The following POLR3GL variants were observed in gnomAD, a reference collection of about 807,000 sequenced individuals.
POLR3GL encodes RNA polymerase III subunit GL.
POLR3GL carries 26 observed loss-of-function variants against 32.4 expected under a neutral mutation model. The observed-to-expected ratio is 0.80, with a 90% CI of 0.59 to 1.11. POLR3GL has a LOEUF of 1.11. Among genes scored for constraint, POLR3GL ranks in the 50% most tolerant of loss-of-function variants. The probability of loss-of-function intolerance (pLI) is 0.00; values close to 1 mark genes in which losing one functional copy is unlikely to be tolerated. For synonymous variants in POLR3GL, 95 were observed against 98.7 expected (o/e 0.96, Z 0.22); for missense variants, 229 against 280.1 (o/e 0.82, Z 1.30).
chr1:145,974,022 C>T (rs1199250497), intron 1 of POLR3GL, among the ~76,000 whole-genome samples: 1 of 149,678 alleles, frequency 6.7e-6, no homozygotes, highest in Non-Finnish European at 1.5e-5. Flanking sequence ...GCTCCAGCTA[C>T]TTGGGAGGCT....
At position 145,977,694 on chromosome 1, in the gene POLR3GL, AGT is replaced by A; in HGVS notation, c.383-82_383-81del. ...CATAGTGGCCACATGAGGGCAGCAG[AGT>A]GACATGTTCTTTGCATGAGGATGGG... On this transcript the variant is annotated intron_variant, in intron 5 of 7. Transcript: ENST00000369314. 3.6e-6 allele frequency: 5 copies of A among 1,384,630 alleles called. No homozygotes were observed. In the South Asian group the frequency reaches 5.8e-5, roughly 16 times the overall value. 85.8% of individuals were successfully genotyped at this position (1,384,630 alleles called of 1,614,324 possible).
At chr1:145,977,669 C>A in intron 5 of POLR3GL, 109 bp from the exon 6 acceptor site, 1 of 1,314,966 alleles carries the variant, frequency 7.6e-7, no homozygotes, top group Non-Finnish European at 1.1e-6. Flanking sequence ...TGCTAGATGT[C>A]ATAGTGGCCA....
intron 2 of POLR3GL, 96 bp downstream of exon 2, chr1:145,975,087 C>T (rs983290001): frequency 7.0e-7 from 1 of 1,431,782 alleles, no homozygotes; most frequent in Non-Finnish European, 9.3e-7. Flanking sequence ...ACCATCCTCG[C>T]TTTGGCCCTC....
chr1:145,972,014 G>A (rs1221165864), intron 1 of POLR3GL, among the ~76,000 whole-genome samples: 1 of 115,940 alleles, frequency 8.6e-6, no homozygotes, highest in African/African-American at 4.4e-5. Flanking sequence ...ATATATATAC[G>A]TGTGTGTGTG....
chr1:145,977,590 C>G, intron 5 of POLR3GL, 51 bp downstream of exon 5: 8 of 1,546,108 alleles, frequency 5.2e-6, no homozygotes, highest in Non-Finnish European at 6.3e-6. Context: ...CTTCATCAGC[C>G]TGAGGGCCGA....
At chr1:145,966,798 TAATAA>T (rs1294751475) in intron 1 of POLR3GL, among the ~76,000 whole-genome samples, 6 of 151,502 alleles carry the variant, frequency 4.0e-5, no homozygotes, top group South Asian at 2.1e-4. Flanking sequence ...AAAAAAAAAA[TAATAA>T]AATAAAAAGA....
chr1:145,973,557 C>T (rs1186253624), intron 1 of POLR3GL, among the ~76,000 whole-genome samples: 1 of 151,866 alleles, frequency 6.6e-6, no homozygotes, highest in Admixed American at 6.6e-5. Context: ...ACAAAAAATA[C>T]AAAAATTAGC....
chr1:145,975,483 G>T, intron 3 of POLR3GL, 47 bp downstream of exon 3: 2 of 1,596,938 alleles, frequency 1.3e-6, no homozygotes, highest in East Asian at 2.3e-5. Flanking sequence ...TCCATGGGGA[G>T]TGCCCTGTGC....
chr1:145,965,069 C>G (rs1649957727), intron 1 of POLR3GL, among the ~76,000 whole-genome samples: 1 of 152,224 alleles, frequency 6.6e-6, no homozygotes, highest in Non-Finnish European at 1.5e-5. Flanking sequence ...CTCCTGTTAT[C>G]TATGAAGACT....
intron 3 of POLR3GL, among the ~76,000 whole-genome samples, chr1:145,975,970 C>T (rs1425157085): frequency 8.0e-6 from 1 of 125,196 alleles, no homozygotes; most frequent in African/African-American, 2.5e-5. Context: ...AACTAAGGGA[C>T]AGAAAAAAAA....
intron 1 of POLR3GL, among the ~76,000 whole-genome samples, chr1:145,970,397 C>T (rs1186554172): frequency 2.0e-5 from 3 of 152,198 alleles, no homozygotes; most frequent in African/African-American, 7.2e-5. Flanking sequence ...CATCCCACCC[C>T]AGCCTCCCAG....
At chr1:145,968,335 T>C (rs782099704) in intron 1 of POLR3GL, among the ~76,000 whole-genome samples, 29 of 152,190 alleles carry the variant, frequency 1.9e-4, no homozygotes, top group Non-Finnish European at 4.1e-4. Flanking sequence ...CTGTATTAAA[T>C]AAAATTTTGT....
At position 145,978,538 on chromosome 1, in the gene POLR3GL, C is replaced by T; in HGVS notation, c.*91C>T. On this transcript the variant is annotated 3_prime_UTR_variant, in exon 8 of 8. Transcript: ENST00000369314. ...TCTTCAGACAAGCAAATCATTTGGTCAGAGTTCATATAATCTGTCTGTTCC... is the reference window on the plus strand; with the variant it reads ...TCTTCAGACAAGCAAATCATTTGGTTAGAGTTCATATAATCTGTCTGTTCC... 3 of 863,464 alleles carry T rather than the reference C, an allele frequency of 3.5e-6. No individual in the cohort carries two copies. Among genetic ancestry groups the T allele is most frequent in the Non-Finnish European group, 5.8e-6 (3 of 516,702 alleles). The allele number at this position is 863,464 out of a possible 1,614,324, so 53.5% of individuals were successfully genotyped here. A position where few individuals can be genotyped will look rare whatever the true frequency, so the allele number is the denominator to read the frequency against.
chr1:145,976,545 C>G (rs1650562415), intron 3 of POLR3GL, among the ~76,000 whole-genome samples: 1 of 150,992 alleles, frequency 6.6e-6, no homozygotes, highest in Non-Finnish European at 1.5e-5. Context: ...CCACTGCACT[C>G]CAGCCCAGGC....
intron 1 of POLR3GL, among the ~76,000 whole-genome samples, chr1:145,971,982 AAAAAAAAAT>A (rs1395247297): frequency 9.5e-5 from 12 of 125,780 alleles, no homozygotes; most frequent in African/African-American, 3.7e-4. Context: ...AAAAAAAAAA[AAAAAAAAAT>A]ATATATATAT....
rs766935281 is a variant in POLR3GL, at chr1:145,977,119, G to T, written c.292G>T (p.Gly98Cys). 2 of 1,613,880 alleles carry T rather than the reference G, an allele frequency of 1.2e-6. No homozygotes were observed. Among genetic ancestry groups the T allele is most frequent in the African/African-American group, 2.7e-5 (2 of 74,840 alleles). The change falls in exon 4 of 8, where the codon GGT (glycine) becomes TGT (cysteine). Residue 98 changes from glycine (G) to cysteine (C), a missense_variant. By Grantham distance (159) the Gly-to-Cys change is radical. Transcript: ENST00000369314. ...ERYSDKYQMS[G>C]PIDNAIDWNP... is the part of the protein sequence containing the mutation. ...TTATTCAGACAAATATCAGATGTCA[G>T]GTCCGATTGACAATGCCATCGATTG...
chr1:145,978,524 G>T lies in POLR3GL; in HGVS notation c.*77G>T. On this transcript the variant is annotated 3_prime_UTR_variant, in exon 8 of 8. Transcript: ENST00000369314. ...ACCTATTATTTGTTTCTTCAGACAA[G>T]CAAATCATTTGGTCAGAGTTCATAT... is the stretch of plus-strand genomic sequence containing the variant. The T allele has an allele frequency of 1.1e-6, 1 of 951,384 alleles. No homozygotes were observed. The highest frequency in any genetic ancestry group is 2.4e-5 in the East Asian group (1 of 41,846). The allele number at this position is 951,384 out of a possible 1,614,324, so 58.9% of individuals were successfully genotyped here.
chr1:145,974,760 G>A lies in POLR3GL; in HGVS notation c.-41-65G>A, dbSNP rs73004684. On this transcript the variant is annotated intron_variant, in intron 1 of 7. Transcript: ENST00000369314. ...CCAGAGATAAAAGATTGAATGTCTTGTACCTCCTTGGCTTCCTGTCCATTC... is the reference window on the plus strand; with the variant it reads ...CCAGAGATAAAAGATTGAATGTCTTATACCTCCTTGGCTTCCTGTCCATTC... The A allele has an allele frequency of 1.6e-3, 1,750 of 1,105,946 alleles. 16 individuals are homozygous for A. The African/African-American group carries it at 0.022, about 14-fold the overall frequency. The allele number at this position is 1,105,946 out of a possible 1,614,324, so 68.5% of individuals were successfully genotyped here. A position where few individuals can be genotyped will look rare whatever the true frequency, so the allele number is the denominator to read the frequency against.
chr1:145,977,722 C>G, intron 5 of POLR3GL, 56 bp from the exon 6 acceptor site: 1 of 1,527,010 alleles, frequency 6.5e-7, no homozygotes, highest in Non-Finnish European at 9.1e-7. Context: ...TGAGGATGGG[C>G]TATAAAGCTG....
Sources: gnomAD v4.1 joint callset for allele counts (sites outside exome capture counted in the v4.1 genomes callset) on GRCh38, gnomAD v4.1.1 for gene constraint, MANE v1.5 for transcripts, NCBI Gene and HGNC (gene_info 2026-07-23, HGNC 2026-07-21) for gene names.